The following ADCY6 variants were observed in gnomAD, a reference collection of about 807,000 sequenced individuals.
ADCY6 encodes the protein adenylate cyclase 6.
A neutral mutation model predicts 111.6 loss-of-function variants in ADCY6; 59 were observed. The observed-to-expected ratio is 0.53, with a 90% CI of 0.43 to 0.66. The LOEUF (loss-of-function observed/expected upper bound fraction) is 0.66. Ranked by LOEUF, ADCY6 falls within the 30% of genes least tolerant of loss-of-function variation. The pLI is 0.00. For synonymous variants in ADCY6, 576 were observed against 642.9 expected (o/e 0.90, Z 1.57); for missense variants, 1,242 against 1,595.6 (o/e 0.78, Z 3.78).
chr12:48,774,785 C>G lies in ADCY6; in HGVS notation c.2079-7G>C. 2 of 1,613,276 alleles carry G rather than the reference C, an allele frequency of 1.2e-6. No individual in the cohort carries two copies. Among genetic ancestry groups the G allele is most frequent in the East Asian group, 4.5e-5 (2 of 44,870 alleles). On this transcript the variant is annotated splice_polypyrimidine_tract_variant and splice_region_variant and intron_variant, in intron 12 of 21. Coordinates refer to ENST00000357869, the MANE Select transcript of ADCY6 (RefSeq NM_015270.5). ...CCCAAGCATCAGGGTGGAGCTGGGG[C>G]AGAACAGGGCCAGAAAAATCATTTA...
rs367948926 is a variant in ADCY6, at chr12:48,771,011, C to T, written c.3052-41G>A. ...AGACCTGGCTGTCAAGGCAAAGACC[C>T]CAGACCCAGCCCTGCCCCAACACTC... On this transcript the variant is annotated intron_variant, in intron 19 of 21. Transcript: ENST00000357869. This position sits in a 1 kb window ranked among gnomAD's most constrained non-coding sequence, Gnocchi z 4.3. 6.3e-7 allele frequency: 1 copy of T among 1,591,892 alleles called. No individual in the cohort carries two copies. The highest frequency in any genetic ancestry group is 1.3e-5 in the African/African-American group (1 of 74,550).
rs575900624 is a variant in ADCY6 at position 48,777,710 on chromosome 12, G to C, written c.1041C>G (p.Pro347=). ...QQERLLLSVL[P]QHVAMEMKED... ...CTTTCATCTCCATGGCAACGTGCTG[G>C]GGCAATACCGACAGCAGCAGCCGCT... Residue 347 remains proline (P), a synonymous_variant, in exon 4 of 22, where the codon CCC becomes CCG. Transcript: ENST00000357869. This position sits in a 1 kb window ranked among gnomAD's most constrained non-coding sequence, Gnocchi z 4.9. 1 of 1,614,112 alleles carries C rather than the reference G, an allele frequency of 6.2e-7. No individual in the cohort carries two copies. Among genetic ancestry groups the C allele is most frequent in the Admixed American group, 1.7e-5 (1 of 60,016 alleles).
Position 48,776,066 on chromosome 12 carries a change from T to G in ADCY6, c.1703A>C (p.Lys568Thr). 3.1e-6 allele frequency: 5 copies of G among 1,613,718 alleles called. No individual in the cohort carries two copies. Among genetic ancestry groups the G allele is most frequent in the Non-Finnish European group, 4.2e-6 (5 of 1,179,762 alleles). ...GGAGTTGGCCCGAGTCCGCTGCAGC[T>G]TGGCCAGCATGGCCTTCTCCTCTTT... is the stretch of plus-strand genomic sequence containing the variant. ...KRKEEKAMLA[K>T]LQRTRANSME... is the part of the protein sequence containing the mutation. The change falls in exon 9 of 22, where the codon AAG becomes ACG. Residue 568 changes from lysine (K) to threonine (T), a missense_variant. By Grantham distance (78) the Lys-to-Thr change is moderately conservative. Around this residue, in one of 4 missense-constraint regions of ADCY6, gnomAD observed 375 missense variants for 432.5 expected, o/e 0.87. Coordinates refer to ENST00000357869, the MANE Select transcript of ADCY6 (RefSeq NM_015270.5). This position sits in a 1 kb window ranked among gnomAD's most constrained non-coding sequence, Gnocchi z 6.1.
chr12:48,782,655 G>A lies in ADCY6; in HGVS notation c.780C>T (p.Ala260=), dbSNP rs757694253. 7.5e-6 allele frequency: 12 copies of A among 1,603,144 alleles called. No homozygotes were observed. In the South Asian group the frequency reaches 7.8e-5, roughly 10 times the overall value. ...YTLLPIRMRA[A]VLSGLGLSTL... ...TGGAGAGGCCCAGGCCGCTGAGGAC[G>A]GCAGCCCGCATGCGGATGGGGAGGA... Residue 260 remains alanine (A), a synonymous_variant, in exon 2 of 22, where the codon GCC becomes GCT. Coordinates refer to ENST00000357869, the MANE Select transcript of ADCY6 (RefSeq NM_015270.5). This position sits in a 1 kb window ranked among gnomAD's most constrained non-coding sequence, Gnocchi z 4.3.
At chr12:48,775,273 C>A in intron 11 of ADCY6, 30 bp downstream of exon 11, 2 of 1,613,416 alleles carry the variant, frequency 1.2e-6, no homozygotes, top group Non-Finnish European at 8.5e-7. Flanking sequence ...CTCCCCCAGC[C>A]CTTGTCCTTC....
At chr12:48,780,315 C>T (rs1463622079) in intron 2 of ADCY6, among the ~76,000 whole-genome samples, 1 of 152,104 alleles carries the variant, frequency 6.6e-6, no homozygotes, top group Non-Finnish European at 1.5e-5. Context: ...CGGTAGGGGA[C>T]AAAGTCTCCT....
In ADCY6 at chr12:48,777,874, TC is replaced by T; in HGVS notation, c.1015-139del. The T allele has an allele frequency of 7.1e-7, 1 of 1,399,920 alleles. No homozygotes were observed. The highest frequency in any genetic ancestry group is 9.6e-7 in the Non-Finnish European group (1 of 1,037,654). 86.7% of individuals were successfully genotyped at this position (1,399,920 alleles called of 1,614,324 possible). A position where few individuals can be genotyped will look rare whatever the true frequency, so the allele number is the denominator to read the frequency against. ...TCCCTTCTGGACTGTGGCCTGACCT[TC>T]CCCCATCAGAGCCCCCTCTGACCAC... On this transcript the variant is annotated intron_variant, in intron 3 of 21. Coordinates refer to ENST00000357869, the MANE Select transcript of ADCY6 (RefSeq NM_015270.5). This position sits in a 1 kb window ranked among gnomAD's most constrained non-coding sequence, Gnocchi z 4.9.
Position 48,775,066 on chromosome 12 carries a change from G to C in ADCY6, c.1981-12C>G. On this transcript the variant is annotated splice_polypyrimidine_tract_variant and intron_variant, in intron 11 of 21. Transcript: ENST00000357869. ...ACCTTCCGGGAGTACTGAGGGAGAGGAGGCTGAGCTGAGTGCTGGGCCCTC... is the reference window on the plus strand; with the variant it reads ...ACCTTCCGGGAGTACTGAGGGAGAGCAGGCTGAGCTGAGTGCTGGGCCCTC... 1 of 1,550,718 alleles carries C rather than the reference G, an allele frequency of 6.4e-7. No homozygotes were observed. Among genetic ancestry groups the C allele is most frequent in the Non-Finnish European group, 8.7e-7 (1 of 1,145,626 alleles).
chr12:48,780,318 A>T (rs1941810379), intron 2 of ADCY6, among the ~76,000 whole-genome samples: 1 of 152,114 alleles, frequency 6.6e-6, no homozygotes, highest in Non-Finnish European at 1.5e-5. Context: ...TAGGGGACAA[A>T]GTCTCCTTCC....
intron 21 of ADCY6, 100 bp downstream of exon 21, chr12:48,768,837 A>G: frequency 6.4e-7 from 1 of 1,550,882 alleles, no homozygotes. Context: ...CCATACACAG[A>G]ACACTAGCCA....
At chr12:48,786,411 G>C (rs762643617) in intron 1 of ADCY6, among the ~76,000 whole-genome samples, 9 of 152,120 alleles carry the variant, frequency 5.9e-5, no homozygotes, top group Non-Finnish European at 1.2e-4. Context: ...GCCCCACCTA[G>C]GCTGGAGTGC....
intron 2 of ADCY6, among the ~76,000 whole-genome samples, chr12:48,779,717 C>A (rs1167893685): frequency 6.6e-6 from 1 of 152,178 alleles, no homozygotes. Flanking sequence ...GCGGCTCCAC[C>A]CCAGAGTTGG....
rs190769489 is a variant in ADCY6 at position 48,777,055 on chromosome 12, T to A, written c.1376+49A>T. On this transcript the variant is annotated intron_variant, in intron 6 of 21. Transcript: ENST00000357869. The surrounding 1 kb of genome is among the most constrained non-coding windows in gnomAD (Gnocchi z 4.9). ...AGGTCTCATCAAAAAGTAGGAGCAGTCTGGGGCACCCGCAATTCCAGGAAG... is the reference window on the plus strand; with the variant it reads ...AGGTCTCATCAAAAAGTAGGAGCAGACTGGGGCACCCGCAATTCCAGGAAG... The A allele has an allele frequency of 6.6e-5, 102 of 1,542,246 alleles. 1 individual carries two copies. The Admixed American group carries it at 2.0e-3, about 30-fold the overall frequency.
intron 1 of ADCY6, among the ~76,000 whole-genome samples, chr12:48,787,347 TACTC>T (rs1366067046): frequency 6.6e-6 from 1 of 151,548 alleles, no homozygotes; most frequent in Non-Finnish European, 1.5e-5. Context: ...ATCTGGCTCA[TACTC>T]ACAGAGAAAG....
chr12:48,784,665 GTTTT>G (rs766502422), intron 1 of ADCY6, among the ~76,000 whole-genome samples: 4 of 72,292 alleles, frequency 5.5e-5, no homozygotes, highest in Admixed American at 3.5e-4. Context: ...AAAATCTGGA[GTTTT>G]TTTTTTTTTT....
At position 48,773,639 on chromosome 12, in the gene ADCY6, G is replaced by A. The variant is rs770694309; in HGVS notation, c.2451C>T (p.Ile817=). ...MPTCSFPEYF[I]GNMLLSLLAS... is the part of the protein sequence containing the mutation. Reference sequence around the variant, plus strand: ...CCAAGAGACTCAGCAGCATGTTCCCGATGAAGTACTGCGGGGGTGGCAGAG... The same window carrying A: ...CCAAGAGACTCAGCAGCATGTTCCCAATGAAGTACTGCGGGGGTGGCAGAG... Residue 817 remains isoleucine (I), a synonymous_variant, in exon 16 of 22, where the codon ATC becomes ATT. Coordinates refer to ENST00000357869, the MANE Select transcript of ADCY6 (RefSeq NM_015270.5). 1.1e-5 allele frequency: 18 copies of A among 1,613,952 alleles called. No individual in the cohort carries two copies. The highest frequency in any genetic ancestry group is 4.0e-5 in the African/African-American group (3 of 74,924).
intron 18 of ADCY6, 54 bp downstream of exon 18, chr12:48,772,241 G>A: frequency 1.9e-6 from 3 of 1,561,212 alleles, no homozygotes; most frequent in Non-Finnish European, 2.6e-6. Flanking sequence ...TTCTGGCCTG[G>A]CCCAGGCTCC....
intron 1 of ADCY6, among the ~76,000 whole-genome samples, chr12:48,785,428 G>T (rs11168738): frequency 0.23 from 35,518 of 151,940 alleles, 4,695 homozygotes; most frequent in African/African-American, 0.36. Flanking sequence ...GAGACCAGCC[G>T]GACCAACATG....
Position 48,776,040 on chromosome 12 carries a change from T to G in ADCY6, c.1729A>C (p.Met577Leu). ...AKLQRTRANS[M>L]EGLMPRWVPD... Reference sequence around the variant, plus strand: ...ACCCAGCGCGGCATCAGCCCTTCCATGGAGTTGGCCCGAGTCCGCTGCAGC... The same window carrying G: ...ACCCAGCGCGGCATCAGCCCTTCCAGGGAGTTGGCCCGAGTCCGCTGCAGC... Residue 577 changes from methionine (M) to leucine (L), a missense_variant, in exon 9 of 22, where the codon ATG becomes CTG. Met to Leu is a conservative substitution (Grantham distance 15). Transcript: ENST00000357869. This position sits in a 1 kb window ranked among gnomAD's most constrained non-coding sequence, Gnocchi z 6.1. 1 of 1,613,470 alleles carries G rather than the reference T, an allele frequency of 6.2e-7. No individual in the cohort carries two copies. The highest frequency in any genetic ancestry group is 8.5e-7 in the Non-Finnish European group (1 of 1,179,684).
Sources: gnomAD v4.1 joint callset for allele counts (sites outside exome capture counted in the v4.1 genomes callset) on GRCh38, gnomAD v4.1.1 for gene constraint, gnomAD v4.1.1 regional missense constraint, Gnocchi (gnomAD v3.1) non-coding constraint, MANE v1.5 for transcripts, NCBI Gene and HGNC (gene_info 2026-07-23, HGNC 2026-07-21) for gene names.